The following PDZRN4 variants were observed in gnomAD, a reference collection of about 807,000 sequenced individuals.
PDZRN4 encodes the protein PDZ domain-containing RING finger protein 4.
A neutral mutation model predicts 99.0 loss-of-function variants in PDZRN4; 70 were observed. The observed-to-expected ratio is 0.71, with a 90% CI of 0.58 to 0.86. The LOEUF (loss-of-function observed/expected upper bound fraction) is 0.86, where lower values mean the gene tolerates loss of function less well. PDZRN4 is among the 40% of genes least tolerant of loss of function. The pLI is 0.00. For missense variants in PDZRN4, 1,474 were observed against 1,331.2 expected (o/e 1.11, Z -1.67); for synonymous variants, 551 against 501.6 (o/e 1.10, Z -1.32).
chr12:41,274,563 T>C (rs1245050917), intron 3 of PDZRN4, among the ~76,000 whole-genome samples: 1 of 152,166 alleles, frequency 6.6e-6, no homozygotes, highest in African/African-American at 2.4e-5. Context: ...AGAAGCCATT[T>C]TTAAATACCA....
At chr12:41,418,387 CACTA>C (rs1592052137) in intron 3 of PDZRN4, among the ~76,000 whole-genome samples, 1 of 152,090 alleles carries the variant, frequency 6.6e-6, no homozygotes, top group East Asian at 1.9e-4. Context: ...CATTTTCAAA[CACTA>C]ACAAAGGCAT....
chr12:41,547,551 G>A (rs929908830), intron 5 of PDZRN4, among the ~76,000 whole-genome samples: 1 of 152,088 alleles, frequency 6.6e-6, no homozygotes, highest in African/African-American at 2.4e-5. Context: ...GCTTGAACCT[G>A]GGAGTGGAGG....
intron 3 of PDZRN4, among the ~76,000 whole-genome samples, chr12:41,441,025 C>T (rs890239600): frequency 5.9e-5 from 9 of 152,106 alleles, no homozygotes; most frequent in South Asian, 2.1e-4. Context: ...AATCTAATGA[C>T]GTTTAAGCTT....
chr12:41,307,652 A>G (rs1407962502), intron 3 of PDZRN4, among the ~76,000 whole-genome samples: 2 of 151,610 alleles, frequency 1.3e-5, no homozygotes, highest in Admixed American at 6.6e-5. Flanking sequence ...GTATTATACT[A>G]CAGCAGCTTC....
At chr12:41,517,561 T>C (rs563764582) in intron 5 of PDZRN4, among the ~76,000 whole-genome samples, 80 of 152,210 alleles carry the variant, frequency 5.3e-4, no homozygotes, top group African/African-American at 1.9e-3. Flanking sequence ...GGCAATAAAA[T>C]AGAGTGGAAG....
In PDZRN4 at chr12:41,324,282, T is replaced by G. The variant is rs138691207; in HGVS notation, c.843+130094T>G. ...CTTACTATACAAAAAAAAATATCTG[T>G]GCAAATTTCTAGGTAAAACAAGTGT... On this transcript the variant is annotated intron_variant, in intron 3 of 9. Transcript: ENST00000402685. 6.5e-3 allele frequency among the ~76,000 whole-genome samples: 990 copies of G among 152,132 alleles called. 12 individuals are homozygous for G. The highest frequency in any genetic ancestry group is 0.018 in the South Asian group (86 of 4,822).
At chr12:41,271,182 A>C (rs1390364372) in intron 3 of PDZRN4, among the ~76,000 whole-genome samples, 1 of 151,642 alleles carries the variant, frequency 6.6e-6, no homozygotes, top group East Asian at 2.0e-4. Flanking sequence ...GTATCTAGAG[A>C]TTTTAAAAAA....
intron 3 of PDZRN4, among the ~76,000 whole-genome samples, chr12:41,241,029 C>G (rs112071353): frequency 0.022 from 3,339 of 152,146 alleles, 93 homozygotes; most frequent in African/African-American, 0.064. Flanking sequence ...GCTCCTCCCC[C>G]CTCCCAACCC....
intron 3 of PDZRN4, among the ~76,000 whole-genome samples, chr12:41,199,169 T>C (rs75770344): frequency 6.6e-6 from 1 of 152,208 alleles, no homozygotes; most frequent in East Asian, 1.9e-4. Context: ...AATTTTTTGA[T>C]GCATAAGAAG....
In PDZRN4 at chr12:41,190,158, G is replaced by C. The variant is rs972152285; in HGVS notation, c.648+1055G>C. ...GAGCAACCCAGAAAGATTCCCATTT[G>C]GGACTGGCTGCTCCACACTGCCTCT... On this transcript the variant is annotated intron_variant, in intron 1 of 9. Coordinates refer to ENST00000402685, the MANE Select transcript of PDZRN4 (RefSeq NM_001164595.2). 2.0e-5 allele frequency among the ~76,000 whole-genome samples: 3 copies of C among 152,124 alleles called. No individual in the cohort carries two copies. The South Asian group carries it at 6.2e-4, about 32-fold the overall frequency.
intron 7 of PDZRN4, among the ~76,000 whole-genome samples, chr12:41,556,758 G>C (rs1939172960): frequency 1.3e-5 from 2 of 152,198 alleles, no homozygotes; most frequent in South Asian, 2.1e-4. Context: ...AGGCTGGAAA[G>C]AGTTTTAGGC....
intron 3 of PDZRN4, among the ~76,000 whole-genome samples, chr12:41,369,894 A>C (rs953224768): frequency 1.3e-5 from 2 of 151,918 alleles, no homozygotes; most frequent in African/African-American, 4.8e-5. Context: ...ATTTTAATCC[A>C]GACCTATTCC....
At chr12:41,254,431 T>G (rs1219771696) in intron 3 of PDZRN4, among the ~76,000 whole-genome samples, 1 of 152,194 alleles carries the variant, frequency 6.6e-6, no homozygotes, top group Admixed American at 6.5e-5. Context: ...AAAACTATAA[T>G]GCTTAACAGT....
At chr12:41,317,038 C>T (rs1951642739) in intron 3 of PDZRN4, among the ~76,000 whole-genome samples, 1 of 20,380 alleles carries the variant, frequency 4.9e-5, no homozygotes, top group South Asian at 2.9e-3. Context: ...AGAATCATAA[C>T]TTACATAAAG....
At chr12:41,257,938 T>C (rs1264385042) in intron 3 of PDZRN4, among the ~76,000 whole-genome samples, 1 of 152,242 alleles carries the variant, frequency 6.6e-6, no homozygotes, top group East Asian at 1.9e-4. Flanking sequence ...CCTCTGCTAA[T>C]GCTTTTGATG....
chr12:41,356,689 T>C (rs1951929881), intron 3 of PDZRN4, among the ~76,000 whole-genome samples: 1 of 151,930 alleles, frequency 6.6e-6, no homozygotes, highest in South Asian at 2.1e-4. Flanking sequence ...CTACCAGCTG[T>C]TATCAGCACA....
intron 3 of PDZRN4, among the ~76,000 whole-genome samples, chr12:41,353,758 T>C (rs1951907955): frequency 6.6e-6 from 1 of 152,090 alleles, no homozygotes; most frequent in Admixed American, 6.6e-5. Context: ...CCCTAACAAC[T>C]CTGTAAGCAA....
At chr12:41,398,708 C>T (rs1203584628) in intron 3 of PDZRN4, among the ~76,000 whole-genome samples, 1 of 152,124 alleles carries the variant, frequency 6.6e-6, no homozygotes, top group Admixed American at 6.6e-5. Context: ...CCTATTCAGT[C>T]ACCCAGGGGG....
chr12:41,292,161 A>G (rs1190778020), intron 3 of PDZRN4, among the ~76,000 whole-genome samples: 1 of 152,242 alleles, frequency 6.6e-6, no homozygotes, highest in East Asian at 1.9e-4. Context: ...CCATATTTAC[A>G]ACTATGAAGT....
Sources: gnomAD v4.1 joint callset for allele counts (sites outside exome capture counted in the v4.1 genomes callset) on GRCh38, gnomAD v4.1.1 for gene constraint, MANE v1.5 for transcripts, NCBI Gene and HGNC (gene_info 2026-07-23, HGNC 2026-07-21) for gene names.